LRRTM4: variants seen among roughly 807,000 people sequenced by gnomAD.
LRRTM4 encodes leucine rich repeat transmembrane neuronal 4.
LRRTM4 carries 25 observed loss-of-function variants against 47.6 expected under a neutral mutation model. The ratio of observed to expected loss-of-function variants is 0.53; its 90% CI spans 0.38 to 0.73. The LOEUF is 0.73. LRRTM4 is among the 30% of genes least tolerant of loss of function. The pLI, the probability that LRRTM4 is intolerant of heterozygous loss-of-function variation, is 0.00. For synonymous variants in LRRTM4, 311 were observed against 269.5 expected, an observed-to-expected ratio of 1.15 and a Z score of -1.51; for missense variants, 638 against 713.4, an observed-to-expected ratio of 0.89 and a Z score of 1.20.
At chr2:76,952,741 G>T (rs1459776779) in intron 3 of LRRTM4, among the ~76,000 whole-genome samples, 1 of 151,840 alleles carries the variant, frequency 6.6e-6, no homozygotes, top group Non-Finnish European at 1.5e-5. Flanking sequence ...AAATGCACTT[G>T]TATGTTCACC....
rs556122919 is a variant in LRRTM4 at position 77,364,991 on chromosome 2, G to T, written c.1551+153327C>A. On this transcript the variant is annotated intron_variant, in intron 3 of 3. Coordinates refer to ENST00000409884, the MANE Select transcript of LRRTM4 (RefSeq NM_001134745.3). ...CAGTGAGAAGGATTCCACTTTTATA[G>T]ATTCCATCAACTCTTTCAGTGCCCA... Among the ~76,000 whole-genome samples, 5 of 152,048 alleles carry T rather than the reference G, an allele frequency of 3.3e-5. No homozygotes were observed. The South Asian group carries it at 1.0e-3, about 32-fold the overall frequency.
intron 3 of LRRTM4, among the ~76,000 whole-genome samples, chr2:77,510,513 C>T (rs775875166): frequency 9.5e-4 from 145 of 152,008 alleles, no homozygotes; most frequent in South Asian, 2.3e-3. Flanking sequence ...ACAGTGAATA[C>T]GAATTAAGTA....
chr2:76,806,536 A>C (rs911308580), intron 3 of LRRTM4, among the ~76,000 whole-genome samples: 4 of 152,140 alleles, frequency 2.6e-5, no homozygotes, highest in African/African-American at 9.7e-5. Context: ...AGCCAAGATC[A>C]CGTCATTGCA....
chr2:77,157,517 A>G (rs1315897789), intron 3 of LRRTM4, among the ~76,000 whole-genome samples: 1 of 152,244 alleles, frequency 6.6e-6, no homozygotes, highest in Non-Finnish European at 1.5e-5. Context: ...ATTGCTTATA[A>G]TATTTGATAA....
At chr2:77,128,658 A>C (rs938594938) in intron 3 of LRRTM4, among the ~76,000 whole-genome samples, 1 of 152,146 alleles carries the variant, frequency 6.6e-6, no homozygotes, top group Admixed American at 6.5e-5. Context: ...ATGAGACGAA[A>C]TCTCACTCTT....
At chr2:77,057,044 C>T (rs1679631581) in intron 3 of LRRTM4, among the ~76,000 whole-genome samples, 1 of 152,170 alleles carries the variant, frequency 6.6e-6, no homozygotes, top group Non-Finnish European at 1.5e-5. Context: ...GTTATTGCTG[C>T]TTTCACATTA....
intron 3 of LRRTM4, among the ~76,000 whole-genome samples, chr2:77,198,145 C>A (rs1673880137): frequency 6.6e-6 from 1 of 152,174 alleles, no homozygotes; most frequent in Non-Finnish European, 1.5e-5. Context: ...TTGATCACTG[C>A]ATGTTCTACA....
intron 3 of LRRTM4, among the ~76,000 whole-genome samples, chr2:77,206,507 CAG>C (rs1325823451): frequency 6.6e-6 from 1 of 151,756 alleles, no homozygotes; most frequent in African/African-American, 2.4e-5. Flanking sequence ...TTTTTTGAGA[CAG>C]AGTCTCGCAC....
At chr2:77,410,189 A>G (rs1449696803) in intron 3 of LRRTM4, among the ~76,000 whole-genome samples, 1 of 152,200 alleles carries the variant, frequency 6.6e-6, no homozygotes, top group Non-Finnish European at 1.5e-5. Context: ...AAATCTACAG[A>G]TAAATATTTT....
chr2:76,984,176 G>C (rs1573403307), intron 3 of LRRTM4, among the ~76,000 whole-genome samples: 3 of 152,016 alleles, frequency 2.0e-5, no homozygotes, highest in East Asian at 1.9e-4. Flanking sequence ...ATCTGACTGA[G>C]AATTAAGATA....
intron 3 of LRRTM4, among the ~76,000 whole-genome samples, chr2:76,813,895 C>G (rs2103832093): frequency 7.7e-6 from 1 of 129,822 alleles, no homozygotes; most frequent in South Asian, 2.7e-4. Context: ...CAACTATGAA[C>G]CAATTTGGCA....
intron 3 of LRRTM4, among the ~76,000 whole-genome samples, chr2:77,209,186 G>A (rs28667227): frequency 0.2 from 30,157 of 151,988 alleles, 5,759 homozygotes; most frequent in African/African-American, 0.49. Context: ...ATTATACCTT[G>A]CTTTTCATTT....
At chr2:77,264,611 A>C (rs2104050469) in intron 3 of LRRTM4, among the ~76,000 whole-genome samples, 1 of 152,276 alleles carries the variant, frequency 6.6e-6, no homozygotes, top group East Asian at 1.9e-4. Flanking sequence ...AGTAGAAATA[A>C]AAGAACAGCA....
At chr2:76,814,501 A>T (rs1189510326) in intron 3 of LRRTM4, among the ~76,000 whole-genome samples, 1 of 152,126 alleles carries the variant, frequency 6.6e-6, no homozygotes, top group Non-Finnish European at 1.5e-5. Context: ...TGGATCAAAA[A>T]TATTAAAAAA....
chr2:77,452,074 T>G (rs1676275197), intron 3 of LRRTM4, among the ~76,000 whole-genome samples: 1 of 151,800 alleles, frequency 6.6e-6, no homozygotes, highest in South Asian at 2.1e-4. Flanking sequence ...TATAGACCAC[T>G]GAGAGGAGTT....
At chr2:77,516,915 T>A in intron 3 of LRRTM4, 1 of 984,696 alleles carries the variant, frequency 1.0e-6, no homozygotes, top group Non-Finnish European at 1.2e-6. Flanking sequence ...TTGGAGTATA[T>A]GCTATCAAAG....
chr2:76,952,975 C>T (rs997598910), intron 3 of LRRTM4, among the ~76,000 whole-genome samples: 1 of 151,682 alleles, frequency 6.6e-6, no homozygotes, highest in African/African-American at 2.4e-5. Flanking sequence ...GGGAGCTGAA[C>T]ATTTAGCATC....
intron 3 of LRRTM4, among the ~76,000 whole-genome samples, chr2:77,324,289 A>C (rs1670674601): frequency 6.6e-6 from 1 of 152,120 alleles, no homozygotes; most frequent in African/African-American, 2.4e-5. Flanking sequence ...AAAGCAGATA[A>C]GGTTTTTACC....
intron 3 of LRRTM4, among the ~76,000 whole-genome samples, chr2:77,087,865 T>C (rs78792513): frequency 0.019 from 2,944 of 152,284 alleles, 94 homozygotes; most frequent in African/African-American, 0.067. Flanking sequence ...AATAAACTGA[T>C]AGACGTGTGT....
Sources: gnomAD v4.1 joint callset for allele counts (sites outside exome capture counted in the v4.1 genomes callset) on GRCh38, gnomAD v4.1.1 for gene constraint, MANE v1.5 for transcripts, NCBI Gene and HGNC (gene_info 2026-07-23, HGNC 2026-07-21) for gene names.